Variants in MACROD2 observed in about 807,000 individuals in gnomAD.
MACROD2 encodes the protein mono-ADP ribosylhydrolase 2, also known as ADP-ribose glycohydrolase MACROD2.
A neutral mutation model predicts 70.4 loss-of-function variants in MACROD2; 36 were observed. The observed-to-expected ratio is 0.51, with a 90% CI of 0.39 to 0.68. The LOEUF is 0.68. Ranked by LOEUF, MACROD2 falls within the 30% of genes least tolerant of loss-of-function variation. The pLI is 0.00. For synonymous variants in MACROD2, 172 were observed against 178.8 expected (o/e 0.96, Z 0.30); for missense variants, 496 against 538.4 (o/e 0.92, Z 0.78).
chr20:15,997,410 T>G (rs1490668117), intron 15 of MACROD2, among the ~76,000 whole-genome samples: 2 of 152,196 alleles, frequency 1.3e-5, no homozygotes, highest in East Asian at 3.8e-4. Flanking sequence ...GTGTACAGAT[T>G]TTTCACTGCC....
intron 5 of MACROD2, among the ~76,000 whole-genome samples, chr20:14,870,406 G>A (rs1012449774): frequency 6.6e-6 from 1 of 152,198 alleles, no homozygotes; most frequent in African/African-American, 2.4e-5. Flanking sequence ...ATGAACATAT[G>A]CATGCATGTG....
Position 14,363,207 on chromosome 20 carries a change from AAATAT to A in MACROD2, c.272-130262_272-130258del, listed in dbSNP as rs947475329. ...TTCTGAGCCTCCTTTTATTATCTGTAAATATAATATAATAATTGTGAACAATTATC... is the reference window on the plus strand; with the variant it reads ...TTCTGAGCCTCCTTTTATTATCTGTAAATATAATAATTGTGAACAATTATC... On this transcript the variant is annotated intron_variant, in intron 3 of 17. Coordinates refer to ENST00000684519, the MANE Select transcript of MACROD2 (RefSeq NM_001351661.2). Among the ~76,000 whole-genome samples the A allele has an allele frequency of 4.0e-4, 61 of 152,288 alleles. 1 individual carries two copies. Among genetic ancestry groups the A allele is most frequent in the African/African-American group, 1.4e-3 (57 of 41,546 alleles).
intron 2 of MACROD2, among the ~76,000 whole-genome samples, chr20:14,030,189 C>G (rs2053229142): frequency 6.6e-6 from 1 of 152,100 alleles, no homozygotes; most frequent in Non-Finnish European, 1.5e-5. Context: ...CGGAAACTTG[C>G]TACCACTTGT....
intron 3 of MACROD2, among the ~76,000 whole-genome samples, chr20:14,297,083 G>C (rs948880987): frequency 6.6e-6 from 1 of 151,676 alleles, no homozygotes; most frequent in Admixed American, 6.6e-5. Flanking sequence ...AAATTGCCGT[G>C]AACTGAGCAC....
intron 3 of MACROD2, among the ~76,000 whole-genome samples, chr20:14,215,624 A>T (rs2081615243): frequency 6.6e-6 from 1 of 152,090 alleles, no homozygotes; most frequent in African/African-American, 2.4e-5. Flanking sequence ...TTATTTTCCC[A>T]CCAGCAGTGT....
At chr20:15,900,205 C>G (rs944271108) in intron 10 of MACROD2, among the ~76,000 whole-genome samples, 2 of 152,116 alleles carry the variant, frequency 1.3e-5, no homozygotes, top group African/African-American at 4.8e-5. Flanking sequence ...ACTTTGCCAT[C>G]ACTCAAATGA....
chr20:15,694,013 A>G (rs1447122386), intron 8 of MACROD2, among the ~76,000 whole-genome samples: 4 of 151,996 alleles, frequency 2.6e-5, no homozygotes, highest in Non-Finnish European at 4.4e-5. Flanking sequence ...ATAGTCTCCA[A>G]TCTCATCTAA....
intron 5 of MACROD2, among the ~76,000 whole-genome samples, chr20:14,813,874 G>A (rs2072743738): frequency 6.6e-6 from 1 of 151,956 alleles, no homozygotes; most frequent in Non-Finnish European, 1.5e-5. Context: ...GGCTGAAGGT[G>A]CCAACCCTCT....
At chr20:14,011,465 C>T (rs2263682) in intron 2 of MACROD2, among the ~76,000 whole-genome samples, 9 of 151,848 alleles carry the variant, frequency 5.9e-5, no homozygotes, top group Admixed American at 3.3e-4. Flanking sequence ...CATTTCCCCC[C>T]CTTCAGAATA....
At chr20:15,758,539 C>CTTT (rs11337973) in intron 8 of MACROD2, among the ~76,000 whole-genome samples, 2 of 140,958 alleles carry the variant, frequency 1.4e-5, no homozygotes, top group African/African-American at 5.3e-5. Flanking sequence ...TGCACCCAGT[C>CTTT]TTTTTTTTTT....
intron 12 of MACROD2, among the ~76,000 whole-genome samples, chr20:15,941,615 C>T (rs2147341910): frequency 6.6e-6 from 1 of 152,306 alleles, no homozygotes; most frequent in South Asian, 2.1e-4. Flanking sequence ...AGAAATATCT[C>T]TTCTCAGTGA....
intron 8 of MACROD2, among the ~76,000 whole-genome samples, chr20:15,623,815 A>G (rs1340768790): frequency 1.3e-5 from 2 of 152,150 alleles, no homozygotes; most frequent in East Asian, 3.8e-4. Context: ...AGATAAATAT[A>G]TAGATATATA....
At chr20:14,943,009 G>A (rs2074403090) in intron 5 of MACROD2, among the ~76,000 whole-genome samples, 1 of 152,290 alleles carries the variant, frequency 6.6e-6, no homozygotes, top group African/African-American at 2.4e-5. Context: ...CTGGCAGCTT[G>A]TATTCATCAC....
intron 7 of MACROD2, among the ~76,000 whole-genome samples, chr20:15,442,422 G>A (rs1168781640): frequency 6.6e-6 from 1 of 152,124 alleles, no homozygotes; most frequent in Admixed American, 6.6e-5. Context: ...GTTCCACTCT[G>A]TCATTCAAGG....
intron 3 of MACROD2, among the ~76,000 whole-genome samples, chr20:14,471,004 C>T (rs930508139): frequency 9.9e-5 from 15 of 152,166 alleles, no homozygotes; most frequent in African/African-American, 3.6e-4. Context: ...TCGGTGTCTT[C>T]CCAAAAGGCC....
At chr20:14,111,847 C>T (rs754942486) in intron 3 of MACROD2, among the ~76,000 whole-genome samples, 1 of 151,986 alleles carries the variant, frequency 6.6e-6, no homozygotes, top group Non-Finnish European at 1.5e-5. Context: ...AGCAATCCCA[C>T]TGTTGGGTAT....
chr20:14,075,516 A>G (rs1013316167), intron 2 of MACROD2, among the ~76,000 whole-genome samples: 10 of 152,160 alleles, frequency 6.6e-5, no homozygotes, highest in Non-Finnish European at 1.5e-4. Flanking sequence ...TTAGAACTTC[A>G]CTGGCTTCTC....
At chr20:15,122,691 A>C (rs1233894926) in intron 5 of MACROD2, among the ~76,000 whole-genome samples, 1 of 152,138 alleles carries the variant, frequency 6.6e-6, no homozygotes, top group Admixed American at 6.6e-5. Context: ...CATTCTATAC[A>C]TGTCTCTCAT....
At chr20:14,947,009 G>A (rs1307841974) in intron 5 of MACROD2, among the ~76,000 whole-genome samples, 1 of 152,132 alleles carries the variant, frequency 6.6e-6, no homozygotes, top group African/African-American at 2.4e-5. Flanking sequence ...CTCCAAACCT[G>A]TTTAAGTTTG....
Sources: allele counts gnomAD v4.1 joint callset (sites outside exome capture counted in the v4.1 genomes callset), GRCh38; gene constraint gnomAD v4.1.1; transcripts MANE v1.5; gene names NCBI Gene and HGNC (gene_info 2026-07-23, HGNC 2026-07-21).